TNKS: variants seen among roughly 807,000 people sequenced by gnomAD.
The protein encoded by TNKS is poly [ADP-ribose] polymerase tankyrase-1.
TNKS carries 72 observed loss-of-function variants against 135.8 expected under a neutral mutation model. The observed-to-expected ratio is 0.53, with a 90% confidence interval of 0.44 to 0.64. TNKS has a LOEUF of 0.64. TNKS is among the 30% of genes least tolerant of loss of function. The pLI is 0.00. For synonymous variants in TNKS, 849 were observed against 649.3 expected (o/e 1.31, Z -4.68); for missense variants, 1,769 against 1,674.0 (o/e 1.06, Z -0.99).
intron 2 of TNKS, among the ~76,000 whole-genome samples, chr8:9,608,035 G>T (rs1022600789): frequency 2.0e-5 from 3 of 152,142 alleles, no homozygotes; most frequent in Non-Finnish European, 4.4e-5. Context: ...CACCTCCTGA[G>T]GCTCAAGCGA....
rs779569440 is a variant in TNKS, at chr8:9,556,239, C to T, written c.300C>T (p.Ala100=). The T allele has an allele frequency of 5.6e-6, 9 of 1,614,124 alleles. No homozygotes were observed. The highest frequency in any genetic ancestry group is 6.8e-6 in the Non-Finnish European group (8 of 1,180,048). ...CSTTSTICTV[A]AAPVVPAVST... is the part of the protein sequence containing the mutation. The stretch of plus-strand genomic sequence containing the variant: ...CCACCAGCACAATCTGTACCGTCGC[C>T]GCCGCTCCCGTGGTCCCAGCGGTTT... The change falls in exon 1 of 27, where the codon GCC becomes GCT. Residue 100 remains alanine (A), a synonymous_variant. Coordinates refer to ENST00000310430, the MANE Select transcript of TNKS (RefSeq NM_003747.3).
chr8:9,775,551 T>C (rs1808188346), intron 26 of TNKS, among the ~76,000 whole-genome samples: 1 of 146,022 alleles, frequency 6.8e-6, no homozygotes, highest in Non-Finnish European at 1.5e-5. Context: ...TTTAAAGTCC[T>C]TGCTGAGAGC....
intron 3 of TNKS, among the ~76,000 whole-genome samples, chr8:9,666,238 A>G (rs1289944652): frequency 1.3e-5 from 2 of 152,236 alleles, no homozygotes; most frequent in African/African-American, 4.8e-5. Context: ...TATTGTGGAT[A>G]TAGTAGGGTA....
chr8:9,662,261 T>C (rs983161517), intron 3 of TNKS, among the ~76,000 whole-genome samples: 4 of 152,170 alleles, frequency 2.6e-5, no homozygotes, highest in Admixed American at 6.5e-5. Context: ...ACCCAAAGGA[T>C]TATAAATCAT....
At chr8:9,681,123 G>A (rs556446783) in intron 5 of TNKS, 1 of 195,338 alleles carries the variant, frequency 5.1e-6, no homozygotes, top group Non-Finnish European at 1.0e-5. Flanking sequence ...AAATATGAGT[G>A]TCCTATTTAC....
At chr8:9,694,256 C>G (rs1042692067) in intron 5 of TNKS, among the ~76,000 whole-genome samples, 2 of 152,144 alleles carry the variant, frequency 1.3e-5, no homozygotes, top group Non-Finnish European at 2.9e-5. Flanking sequence ...GACAATAACT[C>G]TCATTCATTC....
intron 5 of TNKS, among the ~76,000 whole-genome samples, chr8:9,690,146 A>G (rs1031096074): frequency 2.6e-5 from 4 of 152,192 alleles, no homozygotes; most frequent in Non-Finnish European, 5.9e-5. Flanking sequence ...GCACCTTGAG[A>G]GTACTCAGCA....
At chr8:9,748,326 T>C in intron 18 of TNKS, 114 bp downstream of exon 18, 1 of 988,834 alleles carries the variant, frequency 1.0e-6, no homozygotes, top group Non-Finnish European at 1.3e-6. Flanking sequence ...AGAACAGAGA[T>C]CTTCTGAAAA....
chr8:9,557,767 C>T (rs1815388212), intron 1 of TNKS: 1 of 152,146 alleles, frequency 6.6e-6, no homozygotes, highest in Admixed American at 6.5e-5. Context: ...TGTTGACCCA[C>T]TGTAGTATTT....
chr8:9,588,903 A>G (rs1798487634), intron 2 of TNKS, among the ~76,000 whole-genome samples: 2 of 152,236 alleles, frequency 1.3e-5, no homozygotes, highest in African/African-American at 4.8e-5. Context: ...AAATTAGACT[A>G]GGAAGAAGAA....
intron 26 of TNKS, chr8:9,772,363 C>G (rs756215117): frequency 2.2e-6 from 1 of 455,320 alleles, no homozygotes; most frequent in Non-Finnish European, 4.4e-6. Context: ...TATATTATCT[C>G]TCTAGGTGGA....
intron 3 of TNKS, among the ~76,000 whole-genome samples, chr8:9,662,482 A>C (rs553227105): frequency 6.6e-6 from 1 of 152,302 alleles, no homozygotes; most frequent in South Asian, 2.1e-4. Flanking sequence ...ATTCTCAGCA[A>C]ACTATCGCAA....
At chr8:9,581,376 G>C (rs2129053483) in intron 2 of TNKS, among the ~76,000 whole-genome samples, 1 of 152,064 alleles carries the variant, frequency 6.6e-6, no homozygotes, top group Non-Finnish European at 1.5e-5. Context: ...ATGACCTTTG[G>C]ATATCCTGTC....
chr8:9,586,731 G>C (rs1207198559), intron 2 of TNKS, among the ~76,000 whole-genome samples: 2 of 121,750 alleles, frequency 1.6e-5, no homozygotes, highest in Non-Finnish European at 3.4e-5. Flanking sequence ...ACGTGTGTGT[G>C]TGTGTGTGTG....
intron 1 of TNKS, 79 bp downstream of exon 1, chr8:9,556,691 G>T: frequency 6.5e-7 from 1 of 1,533,866 alleles, no homozygotes; most frequent in Non-Finnish European, 8.9e-7. Context: ...ACAGGTTATT[G>T]TGATGGGACA....
Position 9,716,973 on chromosome 8 carries a change from C to G in TNKS, c.1750-3401C>G, listed in dbSNP as rs1020981671. Among the ~76,000 whole-genome samples the G allele has an allele frequency of 2.7e-5, 4 of 150,004 alleles. No individual in the cohort carries two copies. In the South Asian group the frequency reaches 8.5e-4, roughly 32 times the overall value. On this transcript the variant is annotated intron_variant, in intron 11 of 26. Transcript: ENST00000310430. The stretch of plus-strand genomic sequence containing the variant: ...TACGAGCATTCATTGGATTGGCACC[C>G]TCTAGTCTATAATCACTTTTGCTCA...
At chr8:9,559,359 G>A (rs1328874708) in intron 1 of TNKS, among the ~76,000 whole-genome samples, 3 of 152,100 alleles carry the variant, frequency 2.0e-5, no homozygotes, top group Non-Finnish European at 2.9e-5. Flanking sequence ...CCAAGCAAAG[G>A]TTGGAAGGGA....
intron 5 of TNKS, among the ~76,000 whole-genome samples, chr8:9,689,783 A>G (rs1803174812): frequency 6.6e-6 from 1 of 152,208 alleles, no homozygotes; most frequent in African/African-American, 2.4e-5. Context: ...AAATCAGCTG[A>G]AGGAATTTGT....
intron 20 of TNKS, among the ~76,000 whole-genome samples, chr8:9,759,939 C>G (rs1275438043): frequency 6.6e-6 from 1 of 151,528 alleles, no homozygotes; most frequent in Non-Finnish European, 1.5e-5. Context: ...GATCGCGCCA[C>G]TGCACTCCAG....
Sources: allele counts gnomAD v4.1 joint callset (sites outside exome capture counted in the v4.1 genomes callset), GRCh38; gene constraint gnomAD v4.1.1; transcripts MANE v1.5; gene names NCBI Gene and HGNC (gene_info 2026-07-23, HGNC 2026-07-21).